TMEM184A: variants seen among roughly 807,000 people sequenced by gnomAD.
TMEM184A encodes sexually dimorphic, expressed in male gonads 1.
Under a neutral mutation model 39.5 loss-of-function variants are expected in TMEM184A, and 40 were observed. The observed-to-expected ratio is 1.01, with a 90% CI of 0.79 to 1.32. The LOEUF (loss-of-function observed/expected upper bound fraction) is 1.32. Among genes scored for constraint, TMEM184A ranks in the 40% most tolerant of loss-of-function variants. The pLI, the probability that TMEM184A is intolerant of heterozygous loss-of-function variation, is 0.00. For synonymous variants in TMEM184A, 280 were observed against 252.3 expected (o/e 1.11, Z -1.04); for missense variants, 603 against 568.8 (o/e 1.06, Z -0.61).
intron 1 of TMEM184A, 95 bp downstream of exon 1, chr7:1,556,019 C>T (rs1167086314): frequency 1.6e-5 from 3 of 189,500 alleles, no homozygotes; most frequent in Non-Finnish European, 3.2e-5. Flanking sequence ...CTCCCACTAA[C>T]CTGCTGGGGC....
chr7:1,548,441 G>T, intron 7 of TMEM184A, 78 bp downstream of exon 7: 1 of 1,477,168 alleles, frequency 6.8e-7, no homozygotes, highest in Non-Finnish European at 9.2e-7. Flanking sequence ...GCTGGGGAAA[G>T]GGGTGTGAGG....
Position 1,546,981 on chromosome 7 carries a change from G to T in TMEM184A, c.1213C>A (p.Arg405=), listed in dbSNP as rs200106285. The change falls in exon 9 of 9, where the codon CGG becomes AGG. Residue 405 remains arginine (R), a synonymous_variant. Coordinates refer to ENST00000297477, the MANE Select transcript of TMEM184A (RefSeq NM_001097620.2). ...GSRKSRSLEK[R]MLIPSEDL ...AGGTCCTCCGAGGGGATCAGCATCCGCTTCTCCAGGCTCCGGCTCTTCCTG... is the reference window on the plus strand; with the variant it reads ...AGGTCCTCCGAGGGGATCAGCATCCTCTTCTCCAGGCTCCGGCTCTTCCTG... The T allele has an allele frequency of 1.3e-6, 2 of 1,593,704 alleles. No homozygotes were observed. The highest frequency in any genetic ancestry group is 1.7e-5 in the Admixed American group (1 of 58,778).
At chr7:1,553,445 G>A (rs1360257807) in intron 2 of TMEM184A, among the ~76,000 whole-genome samples, 12 of 152,148 alleles carry the variant, frequency 7.9e-5, no homozygotes. Context: ...GAGACACCAC[G>A]CCTGACCGAT....
rs1784412132 is a variant in TMEM184A at position 1,547,903 on chromosome 7, A to T, written c.851T>A (p.Ile284Asn). Residue 284 changes from isoleucine (I) to asparagine (N), a missense_variant, in exon 8 of 9, where the codon ATC (isoleucine) becomes AAC (asparagine). Physicochemically the swap from Ile to Asn is moderately radical, Grantham distance 149. Coordinates refer to ENST00000297477, the MANE Select transcript of TMEM184A (RefSeq NM_001097620.2). ...CCCGCCGCTGGTCTCCACCTCCGGGATGACCCCGCACCGCTCCAGGATGGC... is the reference window on the plus strand; with the variant it reads ...CCCGCCGCTGGTCTCCACCTCCGGGTTGACCCCGCACCGCTCCAGGATGGC... ...LLAILERCGV[I>N]PEVETSGGNK... The T allele has an allele frequency of 6.3e-7, 1 of 1,590,164 alleles. No homozygotes were observed. The highest frequency in any genetic ancestry group is 1.3e-5 in the African/African-American group (1 of 74,326).
At position 1,555,591 on chromosome 7, in the gene TMEM184A, G is replaced by C. The variant is rs2128555541; in HGVS notation, c.1-107C>G. The C allele has an allele frequency of 2.4e-6, 2 of 847,560 alleles. No homozygotes were observed. The allele number at this position is 847,560 out of a possible 1,614,324, so 52.5% of individuals were successfully genotyped here. A position where few individuals can be genotyped will look rare whatever the true frequency, so the allele number is the denominator to read the frequency against. ...GAGGAGACAGTGAGACGGGAGCTGAGGCTGAGCCACCCACCAGGCCGCACC... is the reference window on the plus strand; with the variant it reads ...GAGGAGACAGTGAGACGGGAGCTGACGCTGAGCCACCCACCAGGCCGCACC... On this transcript the variant is annotated intron_variant, in intron 1 of 8. Transcript: ENST00000297477. The surrounding 1 kb of genome is among the most constrained non-coding windows in gnomAD (Gnocchi z 5.2).
In TMEM184A at chr7:1,547,196, T is replaced by A. The variant is rs778791470; in HGVS notation, c.1013-15A>T. The A allele has an allele frequency of 3.6e-5, 53 of 1,473,684 alleles. No individual in the cohort carries two copies. The highest frequency in any genetic ancestry group is 4.7e-5 in the Non-Finnish European group (50 of 1,069,966). 91.3% of individuals were successfully genotyped at this position (1,473,684 alleles called of 1,614,324 possible). A position where few individuals can be genotyped will look rare whatever the true frequency, so the allele number is the denominator to read the frequency against. ...TGCCGGGGGGGCTGGGGGAGGGCAGTGTATGAGCCCCACCATCCCCCCTGC... is the reference window on the plus strand; with the variant it reads ...TGCCGGGGGGGCTGGGGGAGGGCAGAGTATGAGCCCCACCATCCCCCCTGC... On this transcript the variant is annotated splice_polypyrimidine_tract_variant and intron_variant, in intron 8 of 8. Transcript: ENST00000297477.
In TMEM184A at chr7:1,555,476, A is replaced by G. The variant is rs768656527; in HGVS notation, c.9T>C (p.Asn3=). The G allele has an allele frequency of 6.2e-7, 1 of 1,605,506 alleles. No homozygotes were observed. The highest frequency in any genetic ancestry group is 1.3e-5 in the African/African-American group (1 of 74,848). The part of the protein sequence containing the change: MS[N]VSGILETAGV... ...CGGCTGTCTCCAGGATCCCTGAGAC[A>G]TTACTCATCTGCAGAGGGAGGGAGG... Residue 3 remains asparagine (N), a synonymous_variant, in exon 2 of 9, where the codon AAT becomes AAC. Coordinates refer to ENST00000297477, the MANE Select transcript of TMEM184A (RefSeq NM_001097620.2). The surrounding 1 kb of genome is among the most constrained non-coding windows in gnomAD (Gnocchi z 5.2).
chr7:1,554,451 C>G (rs1222423769), intron 2 of TMEM184A, among the ~76,000 whole-genome samples: 1 of 152,240 alleles, frequency 6.6e-6, no homozygotes, highest in Non-Finnish European at 1.5e-5. Flanking sequence ...CCTCACCGCA[C>G]TGGGGTCAAG....
chr7:1,547,270 C>T (rs1400331607), intron 8 of TMEM184A, 89 bp from the exon 9 acceptor site: 1 of 754,458 alleles, frequency 1.3e-6, no homozygotes, highest in Non-Finnish European at 2.1e-6. Context: ...AGGGCTGTAG[C>T]TCCTGCATGT....
chr7:1,544,855 C>G lies in TMEM184A; in HGVS notation c.*2097G>C, dbSNP rs1235938880. The G allele has an allele frequency of 6.6e-6, 1 of 152,300 alleles. No homozygotes were observed. The highest frequency in any genetic ancestry group is 1.9e-4 in the East Asian group (1 of 5,182). 9.4% of individuals were successfully genotyped at this position (152,300 alleles called of 1,614,324 possible). Reference sequence around the variant, plus strand: ...CAGCTGGCTTGAGCGTTGAGCATGTCAGTTTCCTGGCACAGTCCTCGGCTG... The same window carrying G: ...CAGCTGGCTTGAGCGTTGAGCATGTGAGTTTCCTGGCACAGTCCTCGGCTG... On this transcript the variant is annotated 3_prime_UTR_variant, in exon 9 of 9. Coordinates refer to ENST00000297477, the MANE Select transcript of TMEM184A (RefSeq NM_001097620.2).
intron 7 of TMEM184A, among the ~76,000 whole-genome samples, chr7:1,548,308 C>CTGCTGGCGGGACCTCCCCACTCCCCCG (rs1375571177): frequency 2.6e-5 from 4 of 152,228 alleles, no homozygotes; most frequent in Non-Finnish European, 1.5e-5. Context: ...CTCTCTCCAC[C>CTGCTGGCGGGACCTCCCCACTCCCCCG]TGCTGGCGGG....
intron 2 of TMEM184A, among the ~76,000 whole-genome samples, chr7:1,552,443 T>C (rs1784640564): frequency 6.6e-6 from 1 of 152,022 alleles, no homozygotes; most frequent in Non-Finnish European, 1.5e-5. Context: ...TAAAATGTAC[T>C]CTCTTGGCAA....
chr7:1,550,429 C>A (rs1376303924), intron 3 of TMEM184A, 34 bp from the exon 4 acceptor site: 54 of 1,562,436 alleles, frequency 3.5e-5, no homozygotes, highest in Non-Finnish European at 4.5e-5. Flanking sequence ...CGGCTGTGAG[C>A]CCTGAGCTGC....
Position 1,550,181 on chromosome 7 carries a change from C to T in TMEM184A, c.494G>A (p.Gly165Asp). 6.2e-7 allele frequency: 1 copy of T among 1,608,212 alleles called. No individual in the cohort carries two copies. Among genetic ancestry groups the T allele is most frequent in the South Asian group, 1.1e-5 (1 of 90,494 alleles). The change falls in exon 5 of 9, where the codon GGC becomes GAC. Residue 165 changes from glycine to aspartate, a missense_variant. By Grantham distance (94) the Gly-to-Asp change is moderately conservative (BLOSUM62 -1). Transcript: ENST00000297477. ...GKPIKSSCLY[G>D]TCCLRGMTYS... ...GGTCATGCCCCGGAGGCAGCAGGTG[C>T]CGTACAAGCAGCTGGACCTGCGGGG...
chr7:1,549,514 C>T (rs1344662829), intron 6 of TMEM184A: 7 of 488,766 alleles, frequency 1.4e-5, no homozygotes, highest in Middle Eastern at 6.4e-4. Flanking sequence ...CTGGGGTCCT[C>T]GGCGCAGATG....
intron 2 of TMEM184A, among the ~76,000 whole-genome samples, chr7:1,554,264 T>C (rs1778459182): frequency 6.6e-6 from 1 of 152,108 alleles, no homozygotes; most frequent in Non-Finnish European, 1.5e-5. Flanking sequence ...ACTGAGATGC[T>C]CCCTCGGAGA....
chr7:1,547,699 G>C lies in TMEM184A; in HGVS notation c.1012+43C>G, dbSNP rs762107851. ...GGACACAGACACGGTGCCCGGGGCA[G>C]GGCTGTGCGCTCCGGGTGCCCCAGC... On this transcript the variant is annotated intron_variant, in intron 8 of 8. Coordinates refer to ENST00000297477, the MANE Select transcript of TMEM184A (RefSeq NM_001097620.2). 3.2e-6 allele frequency: 5 copies of C among 1,565,846 alleles called. No individual in the cohort carries two copies. In the Admixed American group the frequency reaches 7.1e-5, roughly 22 times the overall value.
At chr7:1,548,805 G>T (rs1459171062) in intron 6 of TMEM184A, 117 bp from the exon 7 acceptor site, 1 of 1,199,950 alleles carries the variant, frequency 8.3e-7, no homozygotes, top group African/African-American at 1.5e-5. Context: ...GGGAGCATGG[G>T]CCCTGCAGGG....
Position 1,547,934 on chromosome 7 carries a change from G to A in TMEM184A, c.820C>T (p.Leu274=). ...CCGCACCGCTCCAGGATGGCCAGCA[G>A]CAGCCCTGCGGACGCCACGGCCGCT... ...VIFLSFWQGL[L]LAILERCGVI... Residue 274 remains leucine, a synonymous_variant, in exon 8 of 9, where the codon CTG becomes TTG. Transcript: ENST00000297477. 2 of 1,568,730 alleles carry A rather than the reference G, an allele frequency of 1.3e-6. No individual in the cohort carries two copies. Among genetic ancestry groups the A allele is most frequent in the South Asian group, 1.2e-5 (1 of 85,940 alleles).
Sources: allele counts gnomAD v4.1 joint callset (sites outside exome capture counted in the v4.1 genomes callset), GRCh38; gene constraint gnomAD v4.1.1; non-coding constraint Gnocchi (gnomAD v3.1); transcripts MANE v1.5; gene names NCBI Gene and HGNC (gene_info 2026-07-23, HGNC 2026-07-21).